ELF1: variants seen among roughly 807,000 people sequenced by gnomAD.
ELF1 encodes the protein ETS-related transcription factor Elf-1.
Under a neutral mutation model 59.9 loss-of-function variants are expected in ELF1, and 24 were observed. That is an observed-to-expected ratio of 0.40 (90% CI 0.29 to 0.56). The LOEUF is 0.56. ELF1 is among the 20% of genes least tolerant of loss of function. The probability of loss-of-function intolerance (pLI) is 0.44; values close to 1 mark genes in which losing one functional copy is unlikely to be tolerated. For missense variants in ELF1, 627 were observed against 742.2 expected (o/e 0.84, Z 1.80); for synonymous variants, 248 against 266.2 (o/e 0.93, Z 0.67).
At chr13:40,976,699 G>A (rs550712501) in intron 2 of ELF1, among the ~76,000 whole-genome samples, 2 of 152,088 alleles carry the variant, frequency 1.3e-5, no homozygotes, top group African/African-American at 2.4e-5. Flanking sequence ...GCACCATCAC[G>A]CCTGCTAATT....
upstream of ELF1, among the ~76,000 whole-genome samples, chr13:41,020,953 G>C (rs960144130): frequency 1.3e-5 from 2 of 152,054 alleles, no homozygotes; most frequent in Admixed American, 6.6e-5. Flanking sequence ...AAGTGAAATA[G>C]CTGATAATGA....
intron 1 of ELF1, among the ~76,000 whole-genome samples, chr13:41,001,035 G>A (rs1056400483): frequency 1.3e-5 from 2 of 151,046 alleles, no homozygotes; most frequent in African/African-American, 4.9e-5. Flanking sequence ...AGAGTGCAAT[G>A]GTGTAGTCTC....
At chr13:41,038,617 A>G (rs1424704473) in intron 1 of ELF1, among the ~76,000 whole-genome samples, 1 of 152,258 alleles carries the variant, frequency 6.6e-6, no homozygotes. Context: ...ATTTAAAAGC[A>G]CTGCCAAAAA....
chr13:40,956,228 A>C (rs1315729508), intron 3 of ELF1, among the ~76,000 whole-genome samples: 6 of 151,972 alleles, frequency 3.9e-5, no homozygotes, highest in Admixed American at 3.3e-4. Flanking sequence ...TTCTGTACTA[A>C]GAAAAATTCT....
chr13:40,990,680 T>G (rs1190657329), intron 1 of ELF1, among the ~76,000 whole-genome samples: 1 of 151,596 alleles, frequency 6.6e-6, no homozygotes, highest in Non-Finnish European at 1.5e-5. Context: ...CATAGTGAAA[T>G]CCCGTCTCTA....
chr13:41,041,863 C>T (rs940766178), intron 1 of ELF1, among the ~76,000 whole-genome samples: 2 of 152,132 alleles, frequency 1.3e-5, no homozygotes, highest in African/African-American at 4.8e-5. Context: ...TAGTAACATA[C>T]AGACCTTCAC....
chr13:40,966,787 A>G (rs1354461724), intron 2 of ELF1, among the ~76,000 whole-genome samples: 1 of 152,224 alleles, frequency 6.6e-6, no homozygotes, highest in Non-Finnish European at 1.5e-5. Flanking sequence ...AATCCTCTCT[A>G]AAATAGCTTA....
intron 1 of ELF1, among the ~76,000 whole-genome samples, chr13:41,032,517 G>A (rs895361575): frequency 5.3e-5 from 8 of 151,736 alleles, no homozygotes; most frequent in East Asian, 1.9e-4. Flanking sequence ...TGCGCCCAGC[G>A]ATATTTATTA....
chr13:40,997,365 C>G (rs1281568230), intron 1 of ELF1, among the ~76,000 whole-genome samples: 1 of 152,052 alleles, frequency 6.6e-6, no homozygotes, highest in African/African-American at 2.4e-5. Flanking sequence ...TCAAGCGATT[C>G]TTCTGCCTCT....
At chr13:40,983,824 T>G (rs1284367401) in intron 1 of ELF1, among the ~76,000 whole-genome samples, 1 of 152,196 alleles carries the variant, frequency 6.6e-6, no homozygotes, top group Non-Finnish European at 1.5e-5. Context: ...CTTATGTTCC[T>G]CCACACAAAC....
intron 1 of ELF1, among the ~76,000 whole-genome samples, chr13:40,995,472 C>G (rs1025306674): frequency 1.3e-5 from 2 of 152,006 alleles, no homozygotes; most frequent in Non-Finnish European, 2.9e-5. Context: ...TAAAAATACA[C>G]CTATAACCTA....
intron 1 of ELF1, among the ~76,000 whole-genome samples, chr13:41,048,600 G>C (rs1165505533): frequency 6.6e-6 from 1 of 151,978 alleles, no homozygotes; most frequent in Non-Finnish European, 1.5e-5. Flanking sequence ...ATTTTATAGT[G>C]ACAGGATACC....
intron 3 of ELF1, among the ~76,000 whole-genome samples, chr13:40,957,650 G>A (rs1002729881): frequency 1.3e-5 from 2 of 152,038 alleles, no homozygotes; most frequent in Non-Finnish European, 2.9e-5. Flanking sequence ...GGTCTCCCCA[G>A]CCATGCTTCC....
At chr13:40,940,619 G>C (rs1870091652) in intron 8 of ELF1, among the ~76,000 whole-genome samples, 1 of 152,052 alleles carries the variant, frequency 6.6e-6, no homozygotes, top group South Asian at 2.1e-4. Context: ...CCTGAATAAA[G>C]ATTTGAAACC....
intron 3 of ELF1, among the ~76,000 whole-genome samples, chr13:40,956,651 T>A (rs570638771): frequency 6.6e-6 from 1 of 151,330 alleles, no homozygotes; most frequent in African/African-American, 2.4e-5. Flanking sequence ...TGCCTGGGTC[T>A]ACTGACAGGT....
Position 40,953,746 on chromosome 13 carries a change from G to A in ELF1, c.254-2310C>T, listed in dbSNP as rs576889842. Among the ~76,000 whole-genome samples, 247 of 152,154 alleles carry A rather than the reference G, an allele frequency of 1.6e-3. 1 individual carries two copies. Among genetic ancestry groups the A allele is most frequent in the Middle Eastern group, 0.01 (3 of 294 alleles). On this transcript the variant is annotated intron_variant, in intron 3 of 8. Transcript: ENST00000239882. Reference sequence around the variant, plus strand: ...CCCTAGAGCTTCTCAAAGGCTCCCCGTCACCCCCACTGTGGAATAACGAAG... The same window carrying A: ...CCCTAGAGCTTCTCAAAGGCTCCCCATCACCCCCACTGTGGAATAACGAAG...
intron 8 of ELF1, among the ~76,000 whole-genome samples, chr13:40,936,872 G>A (rs1869818643): frequency 6.6e-6 from 1 of 151,984 alleles, no homozygotes; most frequent in Admixed American, 6.5e-5. Flanking sequence ...GCTTGAACCA[G>A]GAGCTGGGAG....
chr13:40,940,827 T>A, intron 8 of ELF1, 94 bp downstream of exon 8: 1 of 1,364,818 alleles, frequency 7.3e-7, no homozygotes, highest in South Asian at 1.5e-5. Flanking sequence ...TTTATACTTT[T>A]ATTTTCATTT....
chr13:40,992,976 A>T, intron 1 of ELF1: 1 of 1,017,412 alleles, frequency 9.8e-7, no homozygotes, highest in Non-Finnish European at 1.5e-6. Flanking sequence ...TTCTTTCTTT[A>T]AGTCTTCACA....
Sources: gnomAD v4.1 joint callset for allele counts (sites outside exome capture counted in the v4.1 genomes callset) on GRCh38, gnomAD v4.1.1 for gene constraint, MANE v1.5 for transcripts, NCBI Gene and HGNC (gene_info 2026-07-23, HGNC 2026-07-21) for gene names.